The following RALYL variants were observed in gnomAD, a reference collection of about 807,000 sequenced individuals.
RALYL encodes the protein RALY RNA binding protein like, also known as RNA-binding Raly-like protein.
RALYL carries 29 observed loss-of-function variants against 35.1 expected under a neutral mutation model. That is an observed-to-expected ratio of 0.83 (90% CI 0.61 to 1.13). The LOEUF (loss-of-function observed/expected upper bound fraction) is 1.13, where lower values mean the gene tolerates loss of function less well. Among genes scored for constraint, RALYL ranks in the 50% most tolerant of loss-of-function variants. RALYL has a pLI of 0.00. For synonymous variants in RALYL, 120 were observed against 127.6 expected, an observed-to-expected ratio of 0.94 and a Z score of 0.40; for missense variants, 359 against 360.4, an observed-to-expected ratio of 1.00 and a Z score of 0.03.
chr8:84,337,141 A>C (rs1847948189), intron 1 of RALYL, among the ~76,000 whole-genome samples: 1 of 151,626 alleles, frequency 6.6e-6, no homozygotes, highest in Non-Finnish European at 1.5e-5. Context: ...ACATCACAGC[A>C]TTACAATGGA....
chr8:84,552,957 G>A (rs540288959), intron 2 of RALYL, among the ~76,000 whole-genome samples: 1 of 152,038 alleles, frequency 6.6e-6, no homozygotes, highest in Non-Finnish European at 1.5e-5. Flanking sequence ...GGTTGAATGG[G>A]CGCAAGGAGG....
chr8:84,299,164 C>T (rs1036800839), intron 1 of RALYL, among the ~76,000 whole-genome samples: 15 of 151,500 alleles, frequency 9.9e-5, no homozygotes, highest in African/African-American at 3.6e-4. Context: ...AGCTTTTCCT[C>T]ATTTAGTATG....
chr8:84,590,571 C>T (rs547807507), intron 2 of RALYL, among the ~76,000 whole-genome samples: 121 of 152,220 alleles, frequency 7.9e-4, no homozygotes, highest in Middle Eastern at 3.4e-3. Flanking sequence ...ATTTGAAGGA[C>T]GCTCATGTGG....
At chr8:84,805,416 C>A (rs1213520162) in intron 4 of RALYL, among the ~76,000 whole-genome samples, 1 of 152,110 alleles carries the variant, frequency 6.6e-6, no homozygotes, top group East Asian at 1.9e-4. Context: ...TGGCCAGGCG[C>A]GGTGGTTCAT....
chr8:84,627,179 G>A (rs1029192397), intron 2 of RALYL, among the ~76,000 whole-genome samples: 5 of 151,850 alleles, frequency 3.3e-5, no homozygotes, highest in African/African-American at 1.2e-4. Context: ...CCTAAAAAGG[G>A]CTTCTGAAGT....
At chr8:84,806,873 C>T (rs1232705718) in intron 4 of RALYL, among the ~76,000 whole-genome samples, 1 of 151,952 alleles carries the variant, frequency 6.6e-6, no homozygotes, top group Non-Finnish European at 1.5e-5. Flanking sequence ...ATTAGCTGGC[C>T]GTGGTGCCGT....
At position 84,234,600 on chromosome 8, in the gene RALYL, A is replaced by C. The variant is rs1563579894; in HGVS notation, c.-24+50176A>C. ...TTAAGCTCGAGTTTCCTTCTCTGGA[A>C]AGTGCAACCATTTTTGAGCTATTTT... On this transcript the variant is annotated intron_variant, in intron 1 of 8. Transcript: ENST00000521268. Among the ~76,000 whole-genome samples the C allele has an allele frequency of 3.3e-5, 5 of 152,138 alleles. No homozygotes were observed. The South Asian group carries it at 1.0e-3, about 32-fold the overall frequency.
intron 2 of RALYL, among the ~76,000 whole-genome samples, chr8:84,650,507 A>C (rs375950297): frequency 4.9e-4 from 74 of 151,292 alleles, no homozygotes; most frequent in Admixed American, 7.9e-4. Context: ...AAATGCAAAT[A>C]AAAACCACAA....
intron 3 of RALYL, among the ~76,000 whole-genome samples, chr8:84,784,883 T>G (rs1819022938): frequency 1.3e-5 from 2 of 152,242 alleles, no homozygotes; most frequent in South Asian, 4.1e-4. Flanking sequence ...GTTAATTAAC[T>G]GTTAAACTTT....
At chr8:84,307,506 A>G (rs185806267) in intron 1 of RALYL, among the ~76,000 whole-genome samples, 2 of 152,340 alleles carry the variant, frequency 1.3e-5, no homozygotes, top group African/African-American at 2.4e-5. Context: ...ACAACCACGT[A>G]TATTTTAAAT....
At chr8:84,753,208 G>C (rs1055078706) in intron 2 of RALYL, among the ~76,000 whole-genome samples, 3 of 152,114 alleles carry the variant, frequency 2.0e-5, no homozygotes, top group African/African-American at 7.2e-5. Context: ...AATTGCAGGG[G>C]GCCTGTGGCT....
chr8:84,282,557 T>G (rs559642969), intron 1 of RALYL, among the ~76,000 whole-genome samples: 14 of 152,132 alleles, frequency 9.2e-5, no homozygotes, highest in Non-Finnish European at 2.1e-4. Flanking sequence ...GCTCTTTCTT[T>G]AGCTGCACAA....
intron 1 of RALYL, among the ~76,000 whole-genome samples, chr8:84,260,378 G>T (rs757206584): frequency 6.6e-6 from 1 of 152,102 alleles, no homozygotes; most frequent in African/African-American, 2.4e-5. Context: ...AGGTGTGATC[G>T]CTCATGCAGC....
chr8:84,580,229 A>G (rs1810501490), intron 2 of RALYL, among the ~76,000 whole-genome samples: 1 of 152,220 alleles, frequency 6.6e-6, no homozygotes, highest in African/African-American at 2.4e-5. Flanking sequence ...TTAATGGCAA[A>G]TATATTTTTA....
intron 1 of RALYL, among the ~76,000 whole-genome samples, chr8:84,244,146 A>G (rs759618269): frequency 6.6e-6 from 1 of 152,086 alleles, no homozygotes; most frequent in East Asian, 1.9e-4. Context: ...GATTAATATG[A>G]TTGCTATTCC....
At chr8:84,888,914 T>C (rs1232502748) in intron 8 of RALYL, among the ~76,000 whole-genome samples, 1 of 152,130 alleles carries the variant, frequency 6.6e-6, no homozygotes, top group Admixed American at 6.6e-5. Flanking sequence ...CACATCCAGC[T>C]AATTTTTGTA....
chr8:84,854,986 G>T (rs1477550555), intron 5 of RALYL, among the ~76,000 whole-genome samples: 1 of 152,168 alleles, frequency 6.6e-6, no homozygotes, highest in Non-Finnish European at 1.5e-5. Context: ...TGTTCTCCAA[G>T]TGTTGCAAAA....
intron 1 of RALYL, among the ~76,000 whole-genome samples, chr8:84,390,111 T>C (rs963795506): frequency 1.3e-5 from 2 of 152,200 alleles, no homozygotes; most frequent in Non-Finnish European, 2.9e-5. Context: ...TCATGGTTTT[T>C]GTCTTTGGTT....
chr8:84,524,057 T>C (rs1403245504), intron 1 of RALYL, among the ~76,000 whole-genome samples: 1 of 152,036 alleles, frequency 6.6e-6, no homozygotes, highest in Non-Finnish European at 1.5e-5. Flanking sequence ...GGTCAAATGG[T>C]ATTTCTAGTT....
Sources: gnomAD v4.1 joint callset for allele counts (sites outside exome capture counted in the v4.1 genomes callset) on GRCh38, gnomAD v4.1.1 for gene constraint, MANE v1.5 for transcripts, NCBI Gene and HGNC (gene_info 2026-07-23, HGNC 2026-07-21) for gene names.